BTBD1: variants seen among roughly 807,000 people sequenced by gnomAD.
BTBD1 encodes BTB/POZ domain-containing protein 1.
In BTBD1, 34 loss-of-function variants were observed where a neutral mutation model predicts 48.0. The observed-to-expected ratio is 0.71, with a 90% CI of 0.54 to 0.94. The LOEUF (loss-of-function observed/expected upper bound fraction) is 0.94. Ranked by LOEUF, BTBD1 falls within the 40% of genes least tolerant of loss-of-function variation. BTBD1 has a pLI of 0.00. For synonymous variants in BTBD1, 261 were observed against 242.1 expected, an observed-to-expected ratio of 1.08 and a Z score of -0.72; for missense variants, 543 against 625.6, an observed-to-expected ratio of 0.87 and a Z score of 1.41.
At chr15:83,058,451 T>G (rs902147583) in intron 1 of BTBD1, among the ~76,000 whole-genome samples, 1 of 152,182 alleles carries the variant, frequency 6.6e-6, no homozygotes, top group African/African-American at 2.4e-5. Flanking sequence ...AACTATGAAA[T>G]TTTTGTTTTA....
In BTBD1 at chr15:83,039,777, C is replaced by CA. The variant is rs34059984; in HGVS notation, c.862+1950dup. Among the ~76,000 whole-genome samples, 505 of 97,376 alleles carry CA rather than the reference C, an allele frequency of 5.2e-3. 2 individuals are homozygous for CA. Among genetic ancestry groups the CA allele is most frequent in the East Asian group, 0.011 (27 of 2,400 alleles). The allele number at this position is 97,376 out of a possible 152,430, so 63.9% of individuals were successfully genotyped here. ...TGGGTGACAGAGTGAGGCTCTGTCT[C>CA]AAAAAAAAAAAAAAAAACCACAAAC... is the stretch of plus-strand genomic sequence containing the variant. On this transcript the variant is annotated intron_variant, in intron 4 of 7. Transcript: ENST00000261721.
intron 3 of BTBD1, among the ~76,000 whole-genome samples, chr15:83,042,358 A>T (rs1032716792): frequency 2.6e-5 from 3 of 116,566 alleles, no homozygotes; most frequent in Non-Finnish European, 5.6e-5. Flanking sequence ...TTATATATAT[A>T]TATATATATA....
At chr15:83,064,071 G>C (rs1335898848) in intron 1 of BTBD1, among the ~76,000 whole-genome samples, 1 of 152,168 alleles carries the variant, frequency 6.6e-6, no homozygotes, top group Non-Finnish European at 1.5e-5. Context: ...ATCATTTAAA[G>C]GTCAGGCAGT....
At position 83,046,892 on chromosome 15, in the gene BTBD1, C is replaced by T. The variant is rs570470370; in HGVS notation, c.664+3181G>A. The stretch of plus-strand genomic sequence containing the variant: ...TAGAACAGAGGAATATAACAAGTAT[C>T]ATGGACGAGGGTGGGGTATCAGCTC... On this transcript the variant is annotated intron_variant, in intron 3 of 7. Coordinates refer to ENST00000261721, the MANE Select transcript of BTBD1 (RefSeq NM_025238.4). 3.3e-5 allele frequency among the ~76,000 whole-genome samples: 5 copies of T among 152,238 alleles called. No individual in the cohort carries two copies. The South Asian group carries it at 1.0e-3, about 32-fold the overall frequency.
chr15:83,027,883 A>G (rs2032441084), intron 5 of BTBD1, among the ~76,000 whole-genome samples: 2 of 152,234 alleles, frequency 1.3e-5, no homozygotes, highest in African/African-American at 2.4e-5. Context: ...TACAGCAACT[A>G]ACTACTTCAG....
At chr15:83,050,045 G>A in intron 3 of BTBD1, 28 bp downstream of exon 3, 1 of 1,420,052 alleles carries the variant, frequency 7.0e-7, no homozygotes, top group East Asian at 2.3e-5. Context: ...TACTTAAAAT[G>A]TAACAATTTA....
At position 83,018,799 on chromosome 15, in the gene BTBD1, A is replaced by T. The variant is rs776915819; in HGVS notation, c.1198T>A (p.Cys400Ser). ...CTGAATGTGTTAGCTGTCCCATCAC[A>T]ACTAAAGCCGGTATCATTCTGTCCC... ...TLGQNDTGFS[C>S]DGTANTFRVM... is the part of the protein sequence containing the mutation. Residue 400 changes from cysteine (C) to serine (S), a missense_variant, in exon 7 of 8, where the codon TGT (cysteine) becomes AGT (serine). Around this residue, in one of 3 missense-constraint regions of BTBD1, gnomAD observed 300 missense variants for 350.0 expected, o/e 0.86. Coordinates refer to ENST00000261721, the MANE Select transcript of BTBD1 (RefSeq NM_025238.4). 4.4e-5 allele frequency: 71 copies of T among 1,614,014 alleles called. No homozygotes were observed. Among genetic ancestry groups the T allele is most frequent in the Non-Finnish European group, 5.8e-5 (69 of 1,179,978 alleles).
At chr15:83,044,522 C>G in intron 3 of BTBD1, 2 of 1,588,618 alleles carry the variant, frequency 1.3e-6, no homozygotes, top group South Asian at 2.2e-5. Context: ...GCAAAAACCT[C>G]ACCATAAAAA....
intron 2 of BTBD1, among the ~76,000 whole-genome samples, chr15:83,054,894 C>T (rs1200710054): frequency 6.6e-6 from 1 of 152,030 alleles, no homozygotes; most frequent in Non-Finnish European, 1.5e-5. Flanking sequence ...AGAATGAACA[C>T]TGAACTGGAA....
At chr15:83,048,675 A>T (rs2032924895) in intron 3 of BTBD1, among the ~76,000 whole-genome samples, 1 of 152,220 alleles carries the variant, frequency 6.6e-6, no homozygotes, top group Non-Finnish European at 1.5e-5. Context: ...ACTTCAAATG[A>T]AAGTGTCTAA....
chr15:83,020,559 G>A (rs2032274165), intron 6 of BTBD1, 116 bp downstream of exon 6: 1 of 690,242 alleles, frequency 1.4e-6, no homozygotes, highest in Non-Finnish European at 2.5e-6. Flanking sequence ...TGCTACTAAG[G>A]GGCCTTCTGA....
chr15:83,056,997 A>C (rs2033098505), intron 1 of BTBD1, among the ~76,000 whole-genome samples: 1 of 152,068 alleles, frequency 6.6e-6, no homozygotes, highest in Admixed American at 6.6e-5. Context: ...TATGTAGCAA[A>C]CTCTGTGATG....
At position 83,056,570 on chromosome 15, in the gene BTBD1, A is replaced by T. The variant is rs775550564; in HGVS notation, c.402-25T>A. 4.4e-6 allele frequency: 7 copies of T among 1,599,616 alleles called. No individual in the cohort carries two copies. In the South Asian group the frequency reaches 7.7e-5, roughly 18 times the overall value. On this transcript the variant is annotated intron_variant, in intron 1 of 7. Coordinates refer to ENST00000261721, the MANE Select transcript of BTBD1 (RefSeq NM_025238.4). ...TCTGGAAAACAATTGGCATATTTGC[A>T]GAGATGGTCAGTAATGTTTTAGATA...
rs1301211317 is a variant in BTBD1 at position 83,051,097 on chromosome 15, G to A, written c.559-919C>T. Among the ~76,000 whole-genome samples, 4 of 151,100 alleles carry A rather than the reference G, an allele frequency of 2.6e-5. No homozygotes were observed. The East Asian group carries it at 5.8e-4, about 22-fold the overall frequency. On this transcript the variant is annotated intron_variant, in intron 2 of 7. Transcript: ENST00000261721. ...TAAACTCAAGCAAGATTTTTAAAAA[G>A]CTGAAACACTGAAAAAGGAGGTATG... is the stretch of plus-strand genomic sequence containing the variant.
chr15:83,045,155 T>C (rs1381342714), intron 3 of BTBD1, among the ~76,000 whole-genome samples: 2 of 152,194 alleles, frequency 1.3e-5, no homozygotes, highest in Admixed American at 6.5e-5. Context: ...TTAAATATGA[T>C]TACATTATCC....
chr15:83,064,482 G>A (rs550186811), intron 1 of BTBD1, among the ~76,000 whole-genome samples: 1 of 152,144 alleles, frequency 6.6e-6, no homozygotes, highest in Admixed American at 6.5e-5. Context: ...CTATTGATGG[G>A]AAAGCACTAA....
At chr15:83,045,849 G>A (rs1016211703) in intron 3 of BTBD1, among the ~76,000 whole-genome samples, 5 of 151,786 alleles carry the variant, frequency 3.3e-5, no homozygotes, top group African/African-American at 9.7e-5. Flanking sequence ...AATAACTTCC[G>A]CAGAGATAAA....
chr15:83,019,902 G>A (rs369123969), intron 6 of BTBD1, among the ~76,000 whole-genome samples: 1 of 147,850 alleles, frequency 6.8e-6, no homozygotes. Context: ...CCCGGGAGGC[G>A]GAGCTTGCAA....
chr15:83,061,560 G>T (rs1052762690), intron 1 of BTBD1: 6 of 151,824 alleles, frequency 4.0e-5, no homozygotes, highest in African/African-American at 1.5e-4. Context: ...GAGTGACATT[G>T]CACCAGTCTG....
Sources: gnomAD v4.1 joint callset for allele counts (sites outside exome capture counted in the v4.1 genomes callset) on GRCh38, gnomAD v4.1.1 for gene constraint, gnomAD v4.1.1 regional missense constraint, MANE v1.5 for transcripts, NCBI Gene and HGNC (gene_info 2026-07-23, HGNC 2026-07-21) for gene names.